The following PCDHGB1 variants were observed in gnomAD, a reference collection of about 807,000 sequenced individuals.
PCDHGB1 encodes the protein protocadherin gamma subfamily B, 1, also known as protocadherin gamma-B1.
In PCDHGB1, 34 loss-of-function variants were observed where a neutral mutation model predicts 56.6. That is an observed-to-expected ratio of 0.60 (90% CI 0.46 to 0.80). The LOEUF (loss-of-function observed/expected upper bound fraction) is 0.80, where lower values mean the gene tolerates loss of function less well. PCDHGB1 is among the 30% of genes least tolerant of loss of function. The pLI is 0.00. For synonymous variants in PCDHGB1, 561 were observed against 505.9 expected (o/e 1.11, Z -1.46); for missense variants, 1,278 against 1,204.6 (o/e 1.06, Z -0.90).
chr5:141,500,184 TTTTA>T (rs58019021), intron 2 of PCDHGB1, among the ~76,000 whole-genome samples: 6,359 of 135,894 alleles, frequency 0.047, 285 homozygotes, highest in African/African-American at 0.12. Context: ...TCATTTTTAT[TTTTA>T]TTTATTTATT....
chr5:141,496,783 C>T (rs572860852), intron 2 of PCDHGB1, among the ~76,000 whole-genome samples: 1 of 152,162 alleles, frequency 6.6e-6, no homozygotes, highest in East Asian at 1.9e-4. Context: ...GAGCAGGGCC[C>T]TGTGCTAAAC....
intron 1 of PCDHGB1, among the ~76,000 whole-genome samples, chr5:141,482,723 A>G (rs1441054551): frequency 2.3e-5 from 3 of 128,892 alleles, no homozygotes; most frequent in Non-Finnish European, 4.9e-5. Context: ...GGGAGGGGCC[A>G]TTGCAAGAAA....
chr5:141,401,564 C>A (rs2094168610), intron 1 of PCDHGB1, among the ~76,000 whole-genome samples: 1 of 152,204 alleles, frequency 6.6e-6, no homozygotes, highest in African/African-American at 2.4e-5. Flanking sequence ...GCCTGAATTT[C>A]TCTTGCTCGG....
intron 1 of PCDHGB1, among the ~76,000 whole-genome samples, chr5:141,438,835 A>T (rs1591550617): frequency 6.7e-6 from 1 of 149,784 alleles, no homozygotes; most frequent in African/African-American, 2.5e-5. Flanking sequence ...CTAATTTTTT[A>T]AAATATTTTT....
intron 1 of PCDHGB1, chr5:141,400,276 C>T: frequency 6.2e-7 from 1 of 1,614,048 alleles, no homozygotes; most frequent in Non-Finnish European, 8.5e-7. Flanking sequence ...CTCCTCCAGC[C>T]CTGCCGCCTG....
chr5:141,402,229 A>G (rs1263337414), intron 1 of PCDHGB1, among the ~76,000 whole-genome samples: 4 of 152,110 alleles, frequency 2.6e-5, no homozygotes, highest in Non-Finnish European at 5.9e-5. Context: ...ACGTTTTTCC[A>G]GGAATTTTAT....
chr5:141,408,158 T>G lies in PCDHGB1; in HGVS notation c.2409+55489T>G, dbSNP rs1190245850. On this transcript the variant is annotated intron_variant, in intron 1 of 3. Coordinates refer to ENST00000523390, the MANE Select transcript of PCDHGB1 (RefSeq NM_018922.3). ...TCTTTTAGCGCGGTAGAGTGCACTTTCTCCAACTGGAAAAGCGGGGACCCA... is the reference window on the plus strand; with the variant it reads ...TCTTTTAGCGCGGTAGAGTGCACTTGCTCCAACTGGAAAAGCGGGGACCCA... The G allele has an allele frequency of 2.0e-6, 3 of 1,515,140 alleles. No individual in the cohort carries two copies. In the Admixed American group the frequency reaches 6.4e-5, roughly 32 times the overall value. The allele number at this position is 1,515,140 out of a possible 1,614,324, so 93.9% of individuals were successfully genotyped here.
intron 1 of PCDHGB1, chr5:141,390,229 C>T (rs781367582): frequency 6.2e-7 from 1 of 1,614,056 alleles, no homozygotes; most frequent in South Asian, 1.1e-5. Flanking sequence ...TGCGGTGATT[C>T]ATCTGGGGCC....
At chr5:141,389,855 G>GAGAGC (rs2091946783) in intron 1 of PCDHGB1, 1 of 1,613,942 alleles carries the variant, frequency 6.2e-7, no homozygotes, top group Non-Finnish European at 8.5e-7. Flanking sequence ...CCACTGCCAC[G>GAGAGC]TTGCACCTGG....
chr5:141,498,960 G>GGAGA (rs1381042115), intron 2 of PCDHGB1, among the ~76,000 whole-genome samples: 9 of 118,744 alleles, frequency 7.6e-5, no homozygotes, highest in African/African-American at 2.8e-4. Context: ...AGAGAGAGAG[G>GGAGA]GAGGGAGGGA....
intron 1 of PCDHGB1, chr5:141,365,258 G>A: frequency 6.2e-7 from 1 of 1,613,996 alleles, no homozygotes; most frequent in Non-Finnish European, 8.5e-7. Flanking sequence ...ACTGGACTAT[G>A]AAGAATCCAG....
intron 1 of PCDHGB1, chr5:141,404,230 C>T: frequency 6.2e-7 from 1 of 1,613,836 alleles, no homozygotes; most frequent in Non-Finnish European, 8.5e-7. Context: ...CTGCAACAGA[C>T]AGAGGAACTC....
In PCDHGB1 at chr5:141,486,397, G is replaced by T; in HGVS notation, c.2410-8410G>T. 6.2e-7 allele frequency: 1 copy of T among 1,614,164 alleles called. No individual in the cohort carries two copies. Among genetic ancestry groups the T allele is most frequent in the East Asian group, 2.2e-5 (1 of 44,872 alleles). On this transcript the variant is annotated intron_variant, in intron 1 of 3. Coordinates refer to ENST00000523390, the MANE Select transcript of PCDHGB1 (RefSeq NM_018922.3). The surrounding 1 kb of genome is among the most constrained non-coding windows in gnomAD (Gnocchi z 5.0). ...CCTTCAGGAACCAGTTCTCCCTGGTGACTGCTGGACCCTTGGATCGAGAGG... is the reference window on the plus strand; with the variant it reads ...CCTTCAGGAACCAGTTCTCCCTGGTTACTGCTGGACCCTTGGATCGAGAGG...
chr5:141,509,550 T>C (rs1562240751), intron 3 of PCDHGB1, among the ~76,000 whole-genome samples: 1 of 152,142 alleles, frequency 6.6e-6, no homozygotes, highest in Non-Finnish European at 1.5e-5. Flanking sequence ...TCTCATTTAG[T>C]CCTCACAGCA....
At chr5:141,415,476 G>A (rs765634887) in intron 1 of PCDHGB1, 1 of 1,614,076 alleles carries the variant, frequency 6.2e-7, no homozygotes. Context: ...CCGCGGACTC[G>A]CGAAAGAGTC....
At chr5:141,398,314 A>C in intron 1 of PCDHGB1, 1 of 1,348,682 alleles carries the variant, frequency 7.4e-7, no homozygotes, top group Non-Finnish European at 1.0e-6. Context: ...GGAGTTACCG[A>C]CTCGAAAACT....
intron 1 of PCDHGB1, among the ~76,000 whole-genome samples, chr5:141,482,207 G>T (rs983812650): frequency 6.6e-6 from 1 of 152,130 alleles, no homozygotes; most frequent in East Asian, 1.9e-4. Flanking sequence ...AAACAGACCA[G>T]GTACTTGTTT....
chr5:141,421,787 C>A (rs753196648), intron 1 of PCDHGB1: 1 of 1,613,812 alleles, frequency 6.2e-7, no homozygotes, highest in East Asian at 2.2e-5. Flanking sequence ...CGGGGCAGAA[C>A]GGATGGGGCC....
intron 1 of PCDHGB1, chr5:141,394,899 G>A: frequency 6.2e-7 from 1 of 1,613,804 alleles, no homozygotes; most frequent in Admixed American, 1.7e-5. Context: ...TCTCGTGGTG[G>A]CAGTGGCTGC....
Sources: allele counts gnomAD v4.1 joint callset (sites outside exome capture counted in the v4.1 genomes callset), GRCh38; gene constraint gnomAD v4.1.1; non-coding constraint Gnocchi (gnomAD v3.1); transcripts MANE v1.5; gene names NCBI Gene and HGNC (gene_info 2026-07-23, HGNC 2026-07-21).